The following PDE10A variants were observed in gnomAD, a reference collection of about 807,000 sequenced individuals.
PDE10A encodes the protein phosphodiesterase 10A.
A neutral mutation model predicts 97.7 loss-of-function variants in PDE10A; 39 were observed. The observed-to-expected ratio is 0.40, with a 90% CI of 0.31 to 0.52. PDE10A has a LOEUF of 0.52. PDE10A is among the 20% of genes least tolerant of loss of function. The probability of loss-of-function intolerance (pLI) is 0.56; values close to 1 mark genes in which losing one functional copy is unlikely to be tolerated. For missense variants in PDE10A, 731 were observed against 1,047.8 expected (o/e 0.70, Z 4.17); for synonymous variants, 371 against 376.8 (o/e 0.98, Z 0.18).
chr6:165,954,274 T>G (rs1312678641), intron 1 of PDE10A, among the ~76,000 whole-genome samples: 2 of 152,220 alleles, frequency 1.3e-5, no homozygotes, highest in African/African-American at 4.8e-5. Flanking sequence ...ATGAAAATAT[T>G]ATAGTAGATG....
rs1399275852 is a variant in PDE10A, at chr6:165,459,506, TAGATAGATAGATAGATAGACAGACAGAC to T, written c.1024-9172_1024-9145del. ...CTAATGCATTAGATAGATAGATAGA[TAGATAGATAGATAGATAGACAGACAGAC>T]AGACAGACAGACAGACAGACAGACA... On this transcript the variant is annotated intron_variant, in intron 3 of 21. Transcript: ENST00000539869. Among the ~76,000 whole-genome samples, 114 of 63,236 alleles carry T rather than the reference TAGATAGATAGATAGATAGACAGACAGAC, an allele frequency of 1.8e-3. 1 individual carries two copies. The highest frequency in any genetic ancestry group is 6.7e-3 in the African/African-American group (109 of 16,244). The allele number at this position is 63,236 out of a possible 152,430, so 41.5% of individuals were successfully genotyped here. A position where few individuals can be genotyped will look rare whatever the true frequency, so the allele number is the denominator to read the frequency against.
At chr6:165,481,811 G>A (rs754991091) in intron 3 of PDE10A, among the ~76,000 whole-genome samples, 2 of 152,080 alleles carry the variant, frequency 1.3e-5, no homozygotes, top group Admixed American at 6.5e-5. Flanking sequence ...CTTTCAACAC[G>A]AGTTGTCATC....
chr6:165,855,586 A>T (rs1418618425), intron 1 of PDE10A, among the ~76,000 whole-genome samples: 1 of 140,064 alleles, frequency 7.1e-6, no homozygotes, highest in African/African-American at 2.5e-5. Context: ...CACTTTCCTC[A>T]TGAAAGAGGA....
At chr6:165,551,982 C>T (rs1784041071) in intron 1 of PDE10A, among the ~76,000 whole-genome samples, 1 of 152,056 alleles carries the variant, frequency 6.6e-6, no homozygotes, top group South Asian at 2.1e-4. Flanking sequence ...CCTTTCCTCA[C>T]CTCATCCATG....
intron 2 of PDE10A, among the ~76,000 whole-genome samples, chr6:165,533,963 CA>C (rs1782932060): frequency 6.6e-6 from 1 of 151,960 alleles, no homozygotes; most frequent in African/African-American, 2.4e-5. Context: ...GATCCTTGGT[CA>C]AAAGGCATAA....
chr6:165,617,268 T>C (rs1258630652), intron 1 of PDE10A, among the ~76,000 whole-genome samples: 1 of 152,152 alleles, frequency 6.6e-6, no homozygotes, highest in South Asian at 2.1e-4. Context: ...AAGTAAGCAA[T>C]GCCTAAAAAT....
intron 2 of PDE10A, among the ~76,000 whole-genome samples, chr6:165,494,773 A>C (rs1008825968): frequency 2.0e-5 from 3 of 152,124 alleles, no homozygotes; most frequent in African/African-American, 7.2e-5. Flanking sequence ...TTCCATGAGT[A>C]AGTAGCCTGC....
At chr6:165,345,207 A>G (rs923376433) in intron 18 of PDE10A, among the ~76,000 whole-genome samples, 1 of 152,254 alleles carries the variant, frequency 6.6e-6, no homozygotes, top group Admixed American at 6.5e-5. Context: ...AAATCTGTAA[A>G]ACAAAAGAAA....
rs564188508 is a variant in PDE10A, at chr6:165,954,005, A to G, written c.-615+33524T>C. ...TTTTCCAGAAACCAATATAGCTGGA[A>G]TCATGGCCTTTCCAGATTGCTTCTT... On this transcript the variant is annotated intron_variant, in intron 1 of 19. Transcript: ENST00000366882. 2.6e-5 allele frequency among the ~76,000 whole-genome samples: 4 copies of G among 152,338 alleles called. No homozygotes were observed. In the South Asian group the frequency reaches 8.3e-4, roughly 32 times the overall value.
intron 1 of PDE10A, among the ~76,000 whole-genome samples, chr6:165,774,103 G>T (rs1367489492): frequency 6.6e-6 from 1 of 151,884 alleles, no homozygotes; most frequent in African/African-American, 2.4e-5. Context: ...CCTTTCACAT[G>T]AAAACACTAG....
At chr6:165,689,720 G>C (rs1435462040) in intron 1 of PDE10A, among the ~76,000 whole-genome samples, 1 of 152,184 alleles carries the variant, frequency 6.6e-6, no homozygotes, top group Non-Finnish European at 1.5e-5. Flanking sequence ...CAGGCTTCTT[G>C]TACAGCCTCC....
chr6:165,695,318 A>G (rs1369111017), intron 1 of PDE10A, among the ~76,000 whole-genome samples: 1 of 151,608 alleles, frequency 6.6e-6, no homozygotes, highest in African/African-American at 2.4e-5. Flanking sequence ...TTTCAAGACA[A>G]TCTATCAAAA....
At chr6:165,498,178 G>A (rs1780649159) in intron 2 of PDE10A, among the ~76,000 whole-genome samples, 1 of 151,804 alleles carries the variant, frequency 6.6e-6, no homozygotes, top group Admixed American at 6.6e-5. Flanking sequence ...TTGGGAGCTA[G>A]GGTGGGAGGA....
intron 1 of PDE10A, among the ~76,000 whole-genome samples, chr6:165,938,649 CG>C (rs1193251901): frequency 6.6e-6 from 1 of 152,038 alleles, no homozygotes; most frequent in African/African-American, 2.4e-5. Context: ...TTCTAAAACA[CG>C]GGGCCCTGGG....
chr6:165,912,944 CAT>C (rs1782502500), intron 1 of PDE10A, among the ~76,000 whole-genome samples: 1 of 152,100 alleles, frequency 6.6e-6, no homozygotes. Flanking sequence ...AATGTGTACA[CAT>C]ATATATACAG....
intron 5 of PDE10A, among the ~76,000 whole-genome samples, chr6:165,436,188 C>T (rs1042543354): frequency 6.6e-6 from 1 of 152,070 alleles, no homozygotes; most frequent in Non-Finnish European, 1.5e-5. Flanking sequence ...CCACAGACTT[C>T]ACTTTATTTT....
intron 1 of PDE10A, among the ~76,000 whole-genome samples, chr6:165,614,758 G>A (rs1787648479): frequency 6.6e-6 from 1 of 151,826 alleles, no homozygotes; most frequent in Admixed American, 6.6e-5. Flanking sequence ...GCACAAAATG[G>A]AGAGAACATT....
chr6:165,622,587 C>A, intron 1 of PDE10A, among the ~76,000 whole-genome samples: 1 of 152,042 alleles, frequency 6.6e-6, no homozygotes, highest in East Asian at 1.9e-4. Context: ...CTTATGTGAC[C>A]ACCATCATAT....
chr6:165,868,913 A>G (rs1012331108), intron 1 of PDE10A, among the ~76,000 whole-genome samples: 2 of 152,126 alleles, frequency 1.3e-5, no homozygotes, highest in African/African-American at 4.8e-5. Context: ...AATGAAGAAC[A>G]AAATCCATAT....
Sources: allele counts gnomAD v4.1 joint callset (sites outside exome capture counted in the v4.1 genomes callset), GRCh38; gene constraint gnomAD v4.1.1; transcripts MANE v1.5; gene names NCBI Gene and HGNC (gene_info 2026-07-23, HGNC 2026-07-21).